Variants in DPH5 observed in about 807,000 individuals in gnomAD.
The protein encoded by DPH5 is diphthine methyl ester synthase.
Under a neutral mutation model 31.6 loss-of-function variants are expected in DPH5, and 31 were observed. That is an observed-to-expected ratio of 0.98 (90% CI 0.74 to 1.32). DPH5 has a LOEUF of 1.32. Among genes scored for constraint, DPH5 ranks in the 40% most tolerant of loss-of-function variants. The pLI is 0.00. For missense variants in DPH5, 309 were observed against 335.7 expected, an observed-to-expected ratio of 0.92 and a Z score of 0.62; for synonymous variants, 120 against 115.0, an observed-to-expected ratio of 1.04 and a Z score of -0.28.
At chr1:101,021,806 G>C (rs762740454) in intron 2 of DPH5, 41 bp from the exon 3 acceptor site, 1 of 1,530,206 alleles carries the variant, frequency 6.5e-7, no homozygotes. Context: ...GAGACAGCAG[G>C]TGACCATTCT....
intron 5 of DPH5, chr1:100,996,377 AAG>A (rs1658348607): frequency 6.6e-6 from 1 of 152,206 alleles, no homozygotes; most frequent in Non-Finnish European, 1.5e-5. Flanking sequence ...TTTTAAAAGG[AAG>A]AGGGTTGAGG....
At chr1:101,011,072 A>AT (rs1267906397) in intron 4 of DPH5, among the ~76,000 whole-genome samples, 1 of 152,192 alleles carries the variant, frequency 6.6e-6, no homozygotes, top group African/African-American at 2.4e-5. Flanking sequence ...GATTTAGGTT[A>AT]TTTTTTCTTC....
intron 2 of DPH5, 90 bp downstream of exon 2, chr1:101,025,219 C>A: frequency 6.6e-7 from 1 of 1,512,472 alleles, no homozygotes; most frequent in South Asian, 1.3e-5. Context: ...TTTAAACAAG[C>A]AGACCTGAAA....
In DPH5 at chr1:101,025,723, T is replaced by C. The variant is rs1279703852; in HGVS notation, c.-64A>G. 2.6e-6 allele frequency: 1 copy of C among 379,974 alleles called. No homozygotes were observed. The highest frequency in any genetic ancestry group is 5.2e-5 in the East Asian group (1 of 19,282). The allele number at this position is 379,974 out of a possible 1,614,324, so 23.5% of individuals were successfully genotyped here. A position where few individuals can be genotyped will look rare whatever the true frequency, so the allele number is the denominator to read the frequency against. ...TAGGTAGTTCTCTGGCCTTTACAAA[T>C]TCTTAACTACCACCTTTCCGCAGAA... is the stretch of plus-strand genomic sequence containing the variant. On this transcript the variant is annotated 5_prime_UTR_variant, in exon 1 of 8. Coordinates refer to ENST00000370109, the MANE Select transcript of DPH5 (RefSeq NM_015958.3).
chr1:101,011,028 G>C (rs947205831), intron 4 of DPH5, among the ~76,000 whole-genome samples: 1 of 152,066 alleles, frequency 6.6e-6, no homozygotes, highest in African/African-American at 2.4e-5. Context: ...AGCCCTCTAG[G>C]TGATTCTAAT....
chr1:101,006,326 A>C (rs1027561473), intron 4 of DPH5, among the ~76,000 whole-genome samples: 4 of 152,184 alleles, frequency 2.6e-5, no homozygotes. Context: ...TGGCACAATT[A>C]TATTTACGAT....
intron 6 of DPH5, among the ~76,000 whole-genome samples, chr1:100,993,243 T>G (rs1188151618): frequency 6.6e-6 from 1 of 152,060 alleles, no homozygotes; most frequent in Non-Finnish European, 1.5e-5. Flanking sequence ...TGCCGAACTA[T>G]CATATTAACA....
chr1:101,002,377 T>C (rs1011185806), intron 4 of DPH5, among the ~76,000 whole-genome samples: 1 of 152,214 alleles, frequency 6.6e-6, no homozygotes, highest in African/African-American at 2.4e-5. Flanking sequence ...GGCTGTGTGA[T>C]ATTACTGTAA....
chr1:101,007,754 CAA>C (rs10708264), intron 4 of DPH5, among the ~76,000 whole-genome samples: 10 of 137,440 alleles, frequency 7.3e-5, no homozygotes, highest in African/African-American at 2.1e-4. Context: ...AAACAAAAAC[CAA>C]AAAAAAAAAA....
At chr1:101,022,385 T>C (rs1366330576) in intron 2 of DPH5, among the ~76,000 whole-genome samples, 1 of 152,216 alleles carries the variant, frequency 6.6e-6, no homozygotes, top group Non-Finnish European at 1.5e-5. Context: ...TCTAAATATG[T>C]AGGAAGTTTG....
chr1:101,025,428 C>G lies in DPH5; in HGVS notation c.16G>C (p.Gly6Arg), dbSNP rs1426972042. The G allele has an allele frequency of 6.2e-7, 1 of 1,613,970 alleles. No individual in the cohort carries two copies. The highest frequency in any genetic ancestry group is 8.5e-7 in the Non-Finnish European group (1 of 1,180,006). ...TCCTTGGCATCTCCCAGGCCCAACCCGATGAGATAAAGCATTTCAAACTTG... is the reference window on the plus strand; with the variant it reads ...TCCTTGGCATCTCCCAGGCCCAACCGGATGAGATAAAGCATTTCAAACTTG... MLYLI[G>R]LGLGDAKDIT... Residue 6 changes from glycine to arginine, a missense_variant, in exon 2 of 8, where the codon GGG becomes CGG. Coordinates refer to ENST00000370109, the MANE Select transcript of DPH5 (RefSeq NM_015958.3).
intron 7 of DPH5, among the ~76,000 whole-genome samples, 166 bp downstream of exon 7, chr1:100,992,471 T>G (rs897214767): frequency 1.3e-5 from 2 of 152,138 alleles, no homozygotes; most frequent in African/African-American, 4.8e-5. Context: ...CACTACAACT[T>G]GAAGCCTATG....
At position 100,990,320 on chromosome 1, in the gene DPH5, CA is replaced by C. The variant is rs1308569287; in HGVS notation, c.*87del. 23 of 1,239,614 alleles carry C rather than the reference CA, an allele frequency of 1.9e-5. No homozygotes were observed. The highest frequency in any genetic ancestry group is 2.2e-5 in the Non-Finnish European group (19 of 864,448). 76.8% of individuals were successfully genotyped at this position (1,239,614 alleles called of 1,614,324 possible). On this transcript the variant is annotated 3_prime_UTR_variant, in exon 8 of 8. Coordinates refer to ENST00000370109, the MANE Select transcript of DPH5 (RefSeq NM_015958.3). ...CCTGGGAATTATGAGGATTAAAATT[CA>C]AGATGAGACTTGGGTGGGGATACAT...
At position 101,025,351 on chromosome 1, in the gene DPH5, C is replaced by T; in HGVS notation, c.93G>A (p.Leu31=). Residue 31 remains leucine (L), a synonymous_variant, in exon 2 of 8, where the codon CTG becomes CTA. Transcript: ENST00000370109. ...EVVRRCSRVY[L]EAYTSVLTVG... is the part of the protein sequence containing the mutation. ...CAGTTAGGACTGAGGTGTAGGCTTC[C>T]AGATACACTCGACTGCAGCGTCTAA... 6.2e-7 allele frequency: 1 copy of T among 1,614,206 alleles called. No individual in the cohort carries two copies. The highest frequency in any genetic ancestry group is 1.7e-5 in the Admixed American group (1 of 60,022).
chr1:101,021,861 CTTTG>C (rs1216052346), intron 2 of DPH5, 96 bp from the exon 3 acceptor site: 9 of 1,291,528 alleles, frequency 7.0e-6, no homozygotes, highest in Non-Finnish European at 9.6e-6. Context: ...CACACACACT[CTTTG>C]TTTGGGACTG....
At chr1:101,011,086 A>T (rs776557928) in intron 4 of DPH5, among the ~76,000 whole-genome samples, 1 of 152,170 alleles carries the variant, frequency 6.6e-6, no homozygotes. Flanking sequence ...TTTCTTCCAT[A>T]AGCGCTAGTC....
chr1:101,007,604 A>G (rs547356847), intron 4 of DPH5, among the ~76,000 whole-genome samples: 1 of 151,938 alleles, frequency 6.6e-6, no homozygotes, highest in South Asian at 2.1e-4. Flanking sequence ...AGTCCCAGCT[A>G]CTCGGGAGGC....
intron 2 of DPH5, chr1:101,023,427 C>T (rs1660615186): frequency 6.6e-6 from 1 of 152,286 alleles, no homozygotes; most frequent in African/African-American, 2.4e-5. Context: ...CTATAAATGT[C>T]AGTACTTATT....
chr1:101,015,561 A>G (rs1387190298), intron 3 of DPH5, among the ~76,000 whole-genome samples: 1 of 152,226 alleles, frequency 6.6e-6, no homozygotes, highest in East Asian at 1.9e-4. Context: ...AAGGCTATAT[A>G]TATGAGCACT....
Sources: allele counts gnomAD v4.1 joint callset (sites outside exome capture counted in the v4.1 genomes callset), GRCh38; gene constraint gnomAD v4.1.1; transcripts MANE v1.5; gene names NCBI Gene and HGNC (gene_info 2026-07-23, HGNC 2026-07-21).